Variants in FRMPD1 observed in about 807,000 individuals in gnomAD.
The protein encoded by FRMPD1 is FERM and PDZ domain-containing protein 1.
A neutral mutation model predicts 117.8 loss-of-function variants in FRMPD1; 76 were observed. The observed-to-expected ratio is 0.65, with a 90% confidence interval of 0.54 to 0.78. The LOEUF (loss-of-function observed/expected upper bound fraction) is 0.78, where lower values mean the gene tolerates loss of function less well. Among genes scored for constraint, FRMPD1 ranks in the 30% least tolerant of loss-of-function variants. The probability of loss-of-function intolerance (pLI) is 0.00; values close to 1 mark genes in which losing one functional copy is unlikely to be tolerated. For synonymous variants in FRMPD1, 783 were observed against 770.4 expected, an observed-to-expected ratio of 1.02 and a Z score of -0.27; for missense variants, 1,786 against 1,964.5, an observed-to-expected ratio of 0.91 and a Z score of 1.72.
At chr9:37,620,964 AT>A in the FRMPD1 span, among the ~76,000 whole-genome samples, 1 of 152,180 alleles carries the variant, frequency 6.6e-6, no homozygotes, top group African/African-American at 2.4e-5. Context: ...TTCATTATTT[AT>A]TGTAGTTTTA....
chr9:37,723,228 G>C (rs960327509), intron 6 of FRMPD1, among the ~76,000 whole-genome samples: 1 of 152,140 alleles, frequency 6.6e-6, no homozygotes, highest in African/African-American at 2.4e-5. Context: ...GGCCCATGTT[G>C]AACAGTGTGC....
the FRMPD1 span, among the ~76,000 whole-genome samples, chr9:37,632,405 G>A: frequency 6.6e-6 from 1 of 152,314 alleles, no homozygotes; most frequent in South Asian, 2.1e-4. Context: ...GGAATTTACT[G>A]TGGTATTACC....
chr9:37,702,108 T>C (rs1398819260), intron 2 of FRMPD1, among the ~76,000 whole-genome samples: 6 of 152,172 alleles, frequency 3.9e-5, no homozygotes, highest in Non-Finnish European at 4.4e-5. Flanking sequence ...ATATATCGAG[T>C]TAAGCAAACA....
intron 4 of FRMPD1, among the ~76,000 whole-genome samples, chr9:37,709,378 G>A: frequency 6.6e-6 from 1 of 150,714 alleles, no homozygotes; most frequent in Non-Finnish European, 1.5e-5. Flanking sequence ...TTTTGAGATG[G>A]GGACTTGCTG....
chr9:37,612,795 T>C, the FRMPD1 span, among the ~76,000 whole-genome samples: 2 of 152,186 alleles, frequency 1.3e-5, no homozygotes, highest in Admixed American at 1.3e-4. Context: ...CCCAGCCTAC[T>C]TCAAAGTATT....
rs558698683 is a variant in FRMPD1 at position 37,740,112 on chromosome 9, G to A, written c.1584G>A (p.Glu528=). The A allele has an allele frequency of 7.5e-6, 12 of 1,610,452 alleles. No homozygotes were observed. The highest frequency in any genetic ancestry group is 1.7e-4 in the Middle Eastern group (1 of 6,060). The change falls in exon 15 of 16, where the codon GAG becomes GAA. Residue 528 remains glutamate, a synonymous_variant. Coordinates refer to ENST00000377765, the MANE Select transcript of FRMPD1 (RefSeq NM_014907.3). The surrounding 1 kb of genome is among the most constrained non-coding windows in gnomAD (Gnocchi z 4.2). ...CCAGGGCCTGCAGTGACTCAGAGGA[G>A]TCCTCTGAGGTGGACTGCGTACTCG... is the stretch of plus-strand genomic sequence containing the variant. The part of the protein sequence containing the change: ...YESRACSDSE[E]SSEVDCVLEP...
At chr9:37,621,271 A>G in the FRMPD1 span, among the ~76,000 whole-genome samples, 1 of 152,234 alleles carries the variant, frequency 6.6e-6, no homozygotes, top group Admixed American at 6.5e-5. Flanking sequence ...AGAAGTTTCC[A>G]CAGAGAATTC....
chr9:37,646,168 A>C (rs988104738), upstream of FRMPD1, among the ~76,000 whole-genome samples: 32 of 152,200 alleles, frequency 2.1e-4, no homozygotes, highest in African/African-American at 7.7e-4. Flanking sequence ...GCCTTGATGT[A>C]ACTGTCTCAT....
chr9:37,739,976 C>T lies in FRMPD1; in HGVS notation c.1550-102C>T, dbSNP rs771063238. The T allele has an allele frequency of 2.1e-5, 18 of 859,342 alleles. No homozygotes were observed. In the Admixed American group the frequency reaches 2.8e-4, roughly 13 times the overall value. 53.2% of individuals were successfully genotyped at this position (859,342 alleles called of 1,614,324 possible). On this transcript the variant is annotated intron_variant, in intron 14 of 15. Coordinates refer to ENST00000377765, the MANE Select transcript of FRMPD1 (RefSeq NM_014907.3). Reference sequence around the variant, plus strand: ...CTTAGGCCAGCCACCCTCTGGCCCTCAGTTTTCTCGTCTGGCAGGGTTGGG... The same window carrying T: ...CTTAGGCCAGCCACCCTCTGGCCCTTAGTTTTCTCGTCTGGCAGGGTTGGG...
At chr9:37,723,648 A>C (rs949160247) in intron 6 of FRMPD1, among the ~76,000 whole-genome samples, 3 of 152,192 alleles carry the variant, frequency 2.0e-5, no homozygotes, top group African/African-American at 7.2e-5. Flanking sequence ...ACTTGAGGCC[A>C]GGGGTTCGAG....
At chr9:37,713,819 CAA>C (rs1215479329) in intron 5 of FRMPD1, among the ~76,000 whole-genome samples, 1 of 151,992 alleles carries the variant, frequency 6.6e-6, no homozygotes, top group East Asian at 1.9e-4. Context: ...AAAATACAAA[CAA>C]TATGGATGGA....
At chr9:37,640,841 T>G in the FRMPD1 span, among the ~76,000 whole-genome samples, 1 of 152,222 alleles carries the variant, frequency 6.6e-6, no homozygotes, top group African/African-American at 2.4e-5. Context: ...ATGTCTTCAG[T>G]GGCATCAATA....
upstream of FRMPD1, among the ~76,000 whole-genome samples, chr9:37,647,594 A>G (rs1472998834): frequency 1.3e-5 from 2 of 152,020 alleles, no homozygotes; most frequent in Non-Finnish European, 2.9e-5. Flanking sequence ...TTATTTGTTG[A>G]TTTATTCATT....
upstream of FRMPD1, among the ~76,000 whole-genome samples, chr9:37,648,894 G>T (rs910283996): frequency 1.3e-5 from 2 of 152,162 alleles, no homozygotes; most frequent in Non-Finnish European, 2.9e-5. Flanking sequence ...AAGACAGAAG[G>T]TTTGGCTGAA....
chr9:37,725,076 G>T (rs1823563669), intron 7 of FRMPD1, among the ~76,000 whole-genome samples: 1 of 152,170 alleles, frequency 6.6e-6, no homozygotes, highest in African/African-American at 2.4e-5. Context: ...CTAATGCAGA[G>T]AGCCAGAAAA....
At chr9:37,697,484 G>A (rs1822364111) in intron 2 of FRMPD1, among the ~76,000 whole-genome samples, 2 of 151,580 alleles carry the variant, frequency 1.3e-5, no homozygotes, top group African/African-American at 4.9e-5. Context: ...GGAGAATGGC[G>A]TGAACCAGGG....
chr9:37,637,213 C>A, the FRMPD1 span: 1 of 1,611,368 alleles, frequency 6.2e-7, no homozygotes, highest in Non-Finnish European at 8.5e-7. Context: ...CATCAGCAAA[C>A]CGCAGGAGCA....
In FRMPD1 at chr9:37,737,202, C is replaced by G. The variant is rs1824175811; in HGVS notation, c.1508C>G (p.Pro503Arg). 6.2e-7 allele frequency: 1 copy of G among 1,614,122 alleles called. No homozygotes were observed. The highest frequency in any genetic ancestry group is 8.5e-7 in the Non-Finnish European group (1 of 1,180,002). The change falls in exon 14 of 16, where the codon CCT becomes CGT. Residue 503 changes from proline to arginine, a missense_variant. Coordinates refer to ENST00000377765, the MANE Select transcript of FRMPD1 (RefSeq NM_014907.3). ...VDPVTSIFLW[P>R]GNKQQAHRVS... is the part of the protein sequence containing the mutation. ...CCAGTTACCTCCATTTTCCTCTGGC[C>G]TGGAAACAAACAACAAGCGCACCGG...
chr9:37,745,658 A>G lies in FRMPD1; in HGVS notation c.3626A>G (p.Asp1209Gly), dbSNP rs565018112. Residue 1209 changes from aspartate to glycine, a missense_variant, in exon 16 of 16, where the codon GAT becomes GGT. Transcript: ENST00000377765. The part of the protein sequence containing the change: ...KLFVELDLDP[D>G]FFLGKQTVSP... ...TTCGTAGAGTTGGATTTAGACCCTG[A>G]TTTCTTTCTTGGGAAGCAGACAGTT... 2 of 1,614,166 alleles carry G rather than the reference A, an allele frequency of 1.2e-6. No individual in the cohort carries two copies. Among genetic ancestry groups the G allele is most frequent in the African/African-American group, 2.7e-5 (2 of 75,042 alleles).
Sources: allele counts gnomAD v4.1 joint callset (sites outside exome capture counted in the v4.1 genomes callset), GRCh38; gene constraint gnomAD v4.1.1; non-coding constraint Gnocchi (gnomAD v3.1); transcripts MANE v1.5; gene names NCBI Gene and HGNC (gene_info 2026-07-23, HGNC 2026-07-21).